The following TMEM63B variants were observed in gnomAD, a reference collection of about 807,000 sequenced individuals.
TMEM63B encodes mechanosensitive cation channel TMEM63B.
Under a neutral mutation model 102.6 loss-of-function variants are expected in TMEM63B, and 23 were observed. That is an observed-to-expected ratio of 0.22 (90% CI 0.16 to 0.32). The LOEUF (loss-of-function observed/expected upper bound fraction) is 0.32, where lower values mean the gene tolerates loss of function less well. Among genes scored for constraint, TMEM63B ranks in the 10% least tolerant of loss-of-function variants. The pLI, the probability that TMEM63B is intolerant of heterozygous loss-of-function variation, is 1.00. For missense variants in TMEM63B, 628 were observed against 1,095.9 expected (o/e 0.57, Z 6.03); for synonymous variants, 444 against 437.0 (o/e 1.02, Z -0.20).
At chr6:44,140,789 G>A (rs971101911) in intron 9 of TMEM63B, among the ~76,000 whole-genome samples, 6 of 152,074 alleles carry the variant, frequency 3.9e-5, no homozygotes, top group South Asian at 2.1e-4. Context: ...AGCATGGGAC[G>A]GCGTGGCTCT....
Position 44,146,706 on chromosome 6 carries a change from C to G in TMEM63B, c.783-141C>G, listed in dbSNP as rs113919796. 23 of 829,018 alleles carry G rather than the reference C, an allele frequency of 2.8e-5. No homozygotes were observed. The African/African-American group carries it at 2.8e-4, about 10-fold the overall frequency. The allele number at this position is 829,018 out of a possible 1,614,324, so 51.4% of individuals were successfully genotyped here. A position where few individuals can be genotyped will look rare whatever the true frequency, so the allele number is the denominator to read the frequency against. ...CCTCAGGTGATCCTCCCGCTTCGGCCCCCCAAAGTGCTGGGATTACAGATG... is the reference window on the plus strand; with the variant it reads ...CCTCAGGTGATCCTCCCGCTTCGGCGCCCCAAAGTGCTGGGATTACAGATG... On this transcript the variant is annotated intron_variant, in intron 10 of 23. Coordinates refer to ENST00000323267, the MANE Select transcript of TMEM63B (RefSeq NM_018426.3).
At chr6:44,127,455 G>T (rs1290059430), upstream of TMEM63B, 2 of 151,786 alleles carry the variant, frequency 1.3e-5, no homozygotes, top group Non-Finnish European at 2.9e-5. Context: ...CGGCGGACGC[G>T]ATCTGAGAGT....
chr6:44,135,390 A>C (rs764428206), intron 4 of TMEM63B, 24 bp downstream of exon 4: 2 of 1,603,540 alleles, frequency 1.2e-6, no homozygotes, highest in Non-Finnish European at 1.7e-6. Flanking sequence ...CAGCCCCCTC[A>C]TTCCCACTAA....
intron 10 of TMEM63B, among the ~76,000 whole-genome samples, chr6:44,142,667 T>A (rs1053150805): frequency 3.3e-5 from 5 of 152,066 alleles, no homozygotes; most frequent in Non-Finnish European, 7.4e-5. Context: ...GTGGTCATGA[T>A]AAAGGATGCT....
Position 44,149,843 on chromosome 6 carries a change from C to T in TMEM63B, c.1414-16C>T, listed in dbSNP as rs556345483. ...CTAGACTGCCCTGCCTGACGCCCCCCTGTGCCCTGCTGCAGAACCCCATCA... is the reference window on the plus strand; with the variant it reads ...CTAGACTGCCCTGCCTGACGCCCCCTTGTGCCCTGCTGCAGAACCCCATCA... On this transcript the variant is annotated splice_polypyrimidine_tract_variant and intron_variant, in intron 15 of 23. Coordinates refer to ENST00000323267, the MANE Select transcript of TMEM63B (RefSeq NM_018426.3). 8.1e-6 allele frequency: 13 copies of T among 1,599,774 alleles called. No individual in the cohort carries two copies. In the South Asian group the frequency reaches 1.4e-4, roughly 17 times the overall value.
rs1230998168 is a variant in TMEM63B at position 44,154,070 on chromosome 6, C to T, written c.2111-3C>T. 6.2e-7 allele frequency: 1 copy of T among 1,613,846 alleles called. No individual in the cohort carries two copies. The highest frequency in any genetic ancestry group is 8.5e-7 in the Non-Finnish European group (1 of 1,179,730). ...AACCCCATTCTTTGCCCCCCAACAC[C>T]AGGGTTCCTAGCTCCCACGTCTATG... is the stretch of plus-strand genomic sequence containing the variant. On this transcript the variant is annotated splice_region_variant and splice_polypyrimidine_tract_variant and intron_variant, in intron 21 of 23. Transcript: ENST00000323267.
chr6:44,145,274 C>CAAA (rs34315211), intron 10 of TMEM63B, among the ~76,000 whole-genome samples: 6 of 105,758 alleles, frequency 5.7e-5, no homozygotes, highest in South Asian at 3.2e-4. Flanking sequence ...GACTCCGCCT[C>CAAA]AAAAAAAAAA....
At chr6:44,139,435 C>T (rs1259808457) in intron 6 of TMEM63B, 32 bp from the exon 7 acceptor site, 13 of 1,612,170 alleles carry the variant, frequency 8.1e-6, no homozygotes, top group Non-Finnish European at 9.3e-6. Flanking sequence ...TGGTCCTAAC[C>T]TAATTCCTTT....
chr6:44,148,157 G>T lies in TMEM63B; in HGVS notation c.988-95G>T, dbSNP rs1032266491. The T allele has an allele frequency of 3.9e-6, 6 of 1,548,396 alleles. No individual in the cohort carries two copies. In the Admixed American group the frequency reaches 6.1e-5, roughly 16 times the overall value. On this transcript the variant is annotated intron_variant, in intron 12 of 23. Transcript: ENST00000323267. This position sits in a 1 kb window ranked among gnomAD's most constrained non-coding sequence, Gnocchi z 5.1. ...AAAAATGCTTAGAGGAGCAGTGCCTGGCTTGTAGGAAGCCCCAAGTCAGCG... is the reference window on the plus strand; with the variant it reads ...AAAAATGCTTAGAGGAGCAGTGCCTTGCTTGTAGGAAGCCCCAAGTCAGCG...
chr6:44,135,282 G>C (rs59028814), intron 3 of TMEM63B, 46 bp from the exon 4 acceptor site: 210,889 of 1,595,538 alleles, frequency 0.13, 14,811 homozygotes, highest in Admixed American at 0.22. Flanking sequence ...CTGTCCCCAG[G>C]GACTCTCCCC....
Position 44,140,452 on chromosome 6 carries a change from C to G in TMEM63B, c.711+92C>G, listed in dbSNP as rs1359446020. On this transcript the variant is annotated intron_variant, in intron 9 of 23. Transcript: ENST00000323267. Reference sequence around the variant, plus strand: ...CTTTTGTCTCAGCCCCAAGAGGTGTCAGCTAGGTTTGAATGCTGGCACAGC... The same window carrying G: ...CTTTTGTCTCAGCCCCAAGAGGTGTGAGCTAGGTTTGAATGCTGGCACAGC... 10 of 1,043,722 alleles carry G rather than the reference C, an allele frequency of 9.6e-6. No individual in the cohort carries two copies. In the Admixed American group the frequency reaches 1.4e-4, roughly 14 times the overall value. 64.7% of individuals were successfully genotyped at this position (1,043,722 alleles called of 1,614,324 possible). A position where few individuals can be genotyped will look rare whatever the true frequency, so the allele number is the denominator to read the frequency against.
In TMEM63B at chr6:44,148,450, T is replaced by C. The variant is rs1269808824; in HGVS notation, c.1122-63T>C. 6.2e-7 allele frequency: 1 copy of C among 1,612,780 alleles called. No individual in the cohort carries two copies. Among genetic ancestry groups the C allele is most frequent in the Non-Finnish European group, 8.5e-7 (1 of 1,179,104 alleles). ...CAGGGCTCCCTGACCCCTGTGCTCA[T>C]GGCCTTCTGCCAGCAGTGTGGCCTC... is the stretch of plus-strand genomic sequence containing the variant. On this transcript the variant is annotated intron_variant, in intron 13 of 23. Coordinates refer to ENST00000323267, the MANE Select transcript of TMEM63B (RefSeq NM_018426.3). The surrounding 1 kb of genome is among the most constrained non-coding windows in gnomAD (Gnocchi z 5.1).
intron 4 of TMEM63B, among the ~76,000 whole-genome samples, chr6:44,135,932 C>T (rs963091869): frequency 2.0e-5 from 3 of 152,038 alleles, no homozygotes; most frequent in African/African-American, 7.2e-5. Flanking sequence ...ACCTTCCAGT[C>T]TCCCCAGCCC....
intron 6 of TMEM63B, chr6:44,138,988 T>A: frequency 4.1e-6 from 1 of 243,584 alleles, no homozygotes. Context: ...CGGGCTTCAC[T>A]ACGCCAGGCT....
intron 1 of TMEM63B, among the ~76,000 whole-genome samples, chr6:44,130,280 T>C (rs777082314): frequency 2.0e-5 from 3 of 152,232 alleles, no homozygotes; most frequent in Non-Finnish European, 4.4e-5. Context: ...GCAGCTCATA[T>C]ACTCTCTCTG....
At chr6:44,136,130 A>C (rs893216826) in intron 4 of TMEM63B, among the ~76,000 whole-genome samples, 1 of 152,096 alleles carries the variant, frequency 6.6e-6, no homozygotes, top group Non-Finnish European at 1.5e-5. Flanking sequence ...ACTGCCCACC[A>C]TCAGTGCCCA....
chr6:44,138,519 T>TA lies in TMEM63B; in HGVS notation c.407+4dup. On this transcript the variant is annotated splice_region_variant and intron_variant, in intron 6 of 23. Coordinates refer to ENST00000323267, the MANE Select transcript of TMEM63B (RefSeq NM_018426.3). ...GCTGACAGCCATCTTCAGGATAAAG[T>TA]AAGTGGACCATCTTCAAGCTCTAAA... The TA allele has an allele frequency of 6.2e-7, 1 of 1,613,940 alleles. No homozygotes were observed. Among genetic ancestry groups the TA allele is most frequent in the Non-Finnish European group, 8.5e-7 (1 of 1,179,978 alleles).
chr6:44,150,632 G>A lies in TMEM63B; in HGVS notation c.1673+3G>A, dbSNP rs1189031508. ...GCTGAGGCAGCTATTCGGTTTGAGT[G>A]AGTGACTGGGGCCCCTAGGGAAAGA... On this transcript the variant is annotated splice_donor_region_variant and intron_variant, in intron 18 of 23. Transcript: ENST00000323267. This position sits in a 1 kb window ranked among gnomAD's most constrained non-coding sequence, Gnocchi z 4.7. 21 of 1,614,028 alleles carry A rather than the reference G, an allele frequency of 1.3e-5. No homozygotes were observed. The highest frequency in any genetic ancestry group is 1.7e-5 in the Non-Finnish European group (20 of 1,179,952).
chr6:44,154,434 C>T lies in TMEM63B; in HGVS notation c.2296C>T (p.Pro766Ser), dbSNP rs751786492. 6 of 1,613,986 alleles carry T rather than the reference C, an allele frequency of 3.7e-6. No homozygotes were observed. The Admixed American group carries it at 8.3e-5, about 22-fold the overall frequency. Reference protein sequence around the residue: ...NGRPPTAAAVPKSAKYIAQVL... With the variant: ...NGRPPTAAAVSKSAKYIAQVL... ...ACGGCCCCCCACTGCTGCTGCTGTC[C>T]CCAAATCTGCGGTGAGTGCCCTCAA... is the stretch of plus-strand genomic sequence containing the variant. The change falls in exon 23 of 24, where the codon CCC (proline) becomes TCC (serine). Residue 766 changes from proline (P) to serine (S), a missense_variant. Physicochemically the swap from Pro to Ser is moderately conservative, Grantham distance 74 (BLOSUM62 -1). Transcript: ENST00000323267.
Sources: gnomAD v4.1 joint callset for allele counts (sites outside exome capture counted in the v4.1 genomes callset) on GRCh38, gnomAD v4.1.1 for gene constraint, Gnocchi (gnomAD v3.1) non-coding constraint, MANE v1.5 for transcripts, NCBI Gene and HGNC (gene_info 2026-07-23, HGNC 2026-07-21) for gene names.